FAM222B: variants seen among roughly 807,000 people sequenced by gnomAD.
The protein encoded by FAM222B is protein FAM222B.
Under a neutral mutation model 38.0 loss-of-function variants are expected in FAM222B, and 12 were observed. The ratio of observed to expected loss-of-function variants is 0.32; its 90% confidence interval spans 0.20 to 0.51. The LOEUF is 0.51. Ranked by LOEUF, FAM222B falls within the 20% of genes least tolerant of loss-of-function variation. The pLI is 0.97. For synonymous variants in FAM222B, 329 were observed against 317.2 expected (o/e 1.04, Z -0.40); for missense variants, 716 against 754.2 (o/e 0.95, Z 0.59).
chr17:28,820,850 C>T (rs897768875), intron 1 of FAM222B, among the ~76,000 whole-genome samples: 3 of 151,560 alleles, frequency 2.0e-5, no homozygotes, highest in Admixed American at 6.6e-5. Context: ...GTTGGCCAGG[C>T]TGGTTTCAAA....
chr17:28,763,777 A>AT (rs1449441871), intron 2 of FAM222B, among the ~76,000 whole-genome samples: 2 of 152,246 alleles, frequency 1.3e-5, no homozygotes, highest in Non-Finnish European at 2.9e-5. Context: ...GGGTGACAAC[A>AT]TATGTGAAAA....
intron 1 of FAM222B, among the ~76,000 whole-genome samples, chr17:28,798,340 C>G (rs1352151714): frequency 6.6e-6 from 1 of 152,104 alleles, no homozygotes; most frequent in Non-Finnish European, 1.5e-5. Context: ...CAAGATCATG[C>G]CACTGCACTC....
intron 1 of FAM222B, among the ~76,000 whole-genome samples, chr17:28,827,431 A>G (rs1191318742): frequency 6.6e-6 from 1 of 152,210 alleles, no homozygotes; most frequent in Non-Finnish European, 1.5e-5. Flanking sequence ...ATGAGGAAAC[A>G]GAATAGCAAT....
At position 28,758,674 on chromosome 17, in the gene FAM222B, G is replaced by A. The variant is rs1184115241; in HGVS notation, c.1285C>T (p.Pro429Ser). Reference sequence around the variant, plus strand: ...CCGTTGACTGGTGGGGATGGGGTCGGCTTTTCCAGGGGTGGCTTCAGATGG... The same window carrying A: ...CCGTTGACTGGTGGGGATGGGGTCGACTTTTCCAGGGGTGGCTTCAGATGG... ...SFHLKPPLEK[P>S]TPSPPVNGMA... Residue 429 changes from proline (P) to serine (S), a missense_variant, in exon 3 of 3, where the codon CCG becomes TCG. Coordinates refer to ENST00000581407, the MANE Select transcript of FAM222B (RefSeq NM_001077498.3). 8.1e-6 allele frequency: 13 copies of A among 1,605,724 alleles called. No homozygotes were observed. The highest frequency in any genetic ancestry group is 1.1e-5 in the Non-Finnish European group (13 of 1,174,844).
At chr17:28,827,108 C>T (rs2038468836) in intron 1 of FAM222B, among the ~76,000 whole-genome samples, 1 of 151,814 alleles carries the variant, frequency 6.6e-6, no homozygotes, top group Admixed American at 6.6e-5. Flanking sequence ...AACAGCACCA[C>T]TATACTCTAG....
intron 1 of FAM222B, among the ~76,000 whole-genome samples, chr17:28,792,269 G>A (rs371679675): frequency 2.0e-4 from 29 of 145,154 alleles, no homozygotes; most frequent in South Asian, 4.4e-4. Context: ...CCGAGATTGC[G>A]CCACTGCACT....
chr17:28,811,658 G>C (rs148659948), intron 1 of FAM222B, among the ~76,000 whole-genome samples: 2 of 152,336 alleles, frequency 1.3e-5, no homozygotes, highest in African/African-American at 2.4e-5. Flanking sequence ...ACAGAGATGA[G>C]CTACTACACA....
chr17:28,803,015 CT>C (rs1040738952), intron 1 of FAM222B, among the ~76,000 whole-genome samples: 66 of 146,006 alleles, frequency 4.5e-4, no homozygotes, highest in Admixed American at 5.5e-4. Flanking sequence ...TTTGCTTTTT[CT>C]TTTTTTTTTT....
intron 1 of FAM222B, among the ~76,000 whole-genome samples, chr17:28,783,279 A>G (rs969895701): frequency 6.6e-6 from 1 of 152,158 alleles, no homozygotes; most frequent in African/African-American, 2.4e-5. Flanking sequence ...GGTAGCAAGG[A>G]CAAGTCATTC....
intron 1 of FAM222B, among the ~76,000 whole-genome samples, chr17:28,822,498 G>A (rs960329706): frequency 2.6e-5 from 4 of 151,240 alleles, no homozygotes; most frequent in African/African-American, 9.7e-5. Flanking sequence ...AGTGGCATAA[G>A]CCTGTAATCC....
At chr17:28,772,560 T>TAAA (rs34470960) in intron 1 of FAM222B, among the ~76,000 whole-genome samples, 2 of 111,268 alleles carry the variant, frequency 1.8e-5, no homozygotes, top group Non-Finnish European at 3.4e-5. Context: ...CCATCTCTAC[T>TAAA]AAAAAAAAAA....
chr17:28,791,936 AG>A, intron 1 of FAM222B, among the ~76,000 whole-genome samples: 1 of 151,318 alleles, frequency 6.6e-6, no homozygotes, highest in Middle Eastern at 3.4e-3. Flanking sequence ...CTGGGATTAA[AG>A]GTGTGAACCA....
intron 1 of FAM222B, among the ~76,000 whole-genome samples, chr17:28,767,620 C>T (rs1052979816): frequency 2.0e-5 from 3 of 151,892 alleles, no homozygotes; most frequent in African/African-American, 4.8e-5. Flanking sequence ...GGATTACAGG[C>T]GCATGCCGCC....
chr17:28,823,520 C>T (rs1393344053), intron 1 of FAM222B, among the ~76,000 whole-genome samples: 2 of 152,150 alleles, frequency 1.3e-5, no homozygotes, highest in Non-Finnish European at 2.9e-5. Context: ...CCTGGGACTG[C>T]CATAGGCATG....
chr17:28,854,470 C>T (rs1240582956), intron 1 of FAM222B, among the ~76,000 whole-genome samples: 1 of 152,184 alleles, frequency 6.6e-6, no homozygotes, highest in African/African-American at 2.4e-5. Context: ...CAGACCTGCT[C>T]TTCATCCCAA....
chr17:28,838,368 C>T (rs1033394865), intron 1 of FAM222B, among the ~76,000 whole-genome samples: 1 of 148,386 alleles, frequency 6.7e-6, no homozygotes, highest in African/African-American at 2.5e-5. Flanking sequence ...ATCACAAGGT[C>T]AGGAGATCGA....
chr17:28,787,896 C>G (rs1336439293), intron 1 of FAM222B, among the ~76,000 whole-genome samples: 1 of 141,716 alleles, frequency 7.1e-6, no homozygotes, highest in Non-Finnish European at 1.5e-5. Context: ...ACGATCTTGG[C>G]TCACCGCAAC....
intron 1 of FAM222B, among the ~76,000 whole-genome samples, chr17:28,793,923 AT>A (rs1215729224): frequency 6.6e-6 from 1 of 151,368 alleles, no homozygotes; most frequent in Non-Finnish European, 1.5e-5. Context: ...TTTTTTTTGC[AT>A]TTTTAGTAGA....
chr17:28,767,426 G>A lies in FAM222B; in HGVS notation c.-40-719C>T, dbSNP rs180942795. Among the ~76,000 whole-genome samples, 233 of 151,986 alleles carry A rather than the reference G, an allele frequency of 1.5e-3. 1 individual carries two copies. Among genetic ancestry groups the A allele is most frequent in the Non-Finnish European group, 3.0e-3 (204 of 68,010 alleles). On this transcript the variant is annotated intron_variant, in intron 1 of 2. Transcript: ENST00000581407. The stretch of plus-strand genomic sequence containing the variant: ...GCCCACCTCGGCCTCCCAAAGTGCC[G>A]GGATTACAGGTGTGAGCCACTGCAC...
Sources: allele counts gnomAD v4.1 joint callset (sites outside exome capture counted in the v4.1 genomes callset), GRCh38; gene constraint gnomAD v4.1.1; transcripts MANE v1.5; gene names NCBI Gene and HGNC (gene_info 2026-07-23, HGNC 2026-07-21).